The following TMC1 variants were observed in gnomAD, a reference collection of about 807,000 sequenced individuals.
The protein encoded by TMC1 is transmembrane channel-like protein 1.
A neutral mutation model predicts 105.8 loss-of-function variants in TMC1; 84 were observed. That is an observed-to-expected ratio of 0.79 (90% CI 0.67 to 0.95). TMC1 has a LOEUF of 0.95. Among genes scored for constraint, TMC1 ranks in the 40% least tolerant of loss-of-function variants. The pLI is 0.00. For synonymous variants in TMC1, 315 were observed against 311.5 expected, an observed-to-expected ratio of 1.01 and a Z score of -0.12; for missense variants, 817 against 914.1, an observed-to-expected ratio of 0.89 and a Z score of 1.37.
intron 2 of TMC1, among the ~76,000 whole-genome samples, chr9:72,614,496 A>G (rs1317500742): frequency 1.3e-5 from 2 of 152,130 alleles, no homozygotes; most frequent in African/African-American, 4.8e-5. Flanking sequence ...TTAATGAGGG[A>G]CACGTCTTGA....
chr9:72,793,447 G>A (rs1490176840), intron 17 of TMC1, among the ~76,000 whole-genome samples: 1 of 152,200 alleles, frequency 6.6e-6, no homozygotes. Flanking sequence ...GCTTCAGAGA[G>A]TCCAAGCCAA....
chr9:72,656,550 TTGTTATC>T (rs1243610397), intron 5 of TMC1, among the ~76,000 whole-genome samples: 1 of 152,212 alleles, frequency 6.6e-6, no homozygotes, highest in African/African-American at 2.4e-5. Flanking sequence ...TGTTTTACTG[TTGTTATC>T]TGTTACTTCT....
chr9:72,548,651 A>AT (rs958288541), intron 1 of TMC1, among the ~76,000 whole-genome samples: 1 of 151,132 alleles, frequency 6.6e-6, no homozygotes. Flanking sequence ...CGGGAGTTGT[A>AT]TTTTTTATCA....
In TMC1 at chr9:72,831,899, C is replaced by T. The variant is rs144982654; in HGVS notation, c.2260+1217C>T. 2.1e-3 allele frequency among the ~76,000 whole-genome samples: 319 copies of T among 151,812 alleles called. 2 individuals carry two copies. Among genetic ancestry groups the T allele is most frequent in the African/African-American group, 7.5e-3 (312 of 41,398 alleles). ...TGTGAATAGTGCCGCAATAAACATA[C>T]GTGTGCATGTGTCTTTATAGCAGCA... On this transcript the variant is annotated intron_variant, in intron 23 of 23. Coordinates refer to ENST00000297784, the MANE Select transcript of TMC1 (RefSeq NM_138691.3).
intron 1 of TMC1, among the ~76,000 whole-genome samples, chr9:72,526,764 C>T (rs1823413316): frequency 6.6e-6 from 1 of 152,156 alleles, no homozygotes; most frequent in African/African-American, 2.4e-5. Context: ...AAGAGCACCA[C>T]CCCCTGCTTC....
chr9:72,664,746 C>G (rs1364876747), intron 5 of TMC1, among the ~76,000 whole-genome samples: 1 of 152,128 alleles, frequency 6.6e-6, no homozygotes, highest in Non-Finnish European at 1.5e-5. Context: ...CTCCATCACC[C>G]AGTAAAATCC....
At chr9:72,599,468 A>G (rs1824770964) in intron 2 of TMC1, among the ~76,000 whole-genome samples, 4 of 152,206 alleles carry the variant, frequency 2.6e-5, no homozygotes. Flanking sequence ...TCTCAGTTAC[A>G]AAAAGCCTAT....
At chr9:72,735,767 A>C (rs72733051) in intron 8 of TMC1, among the ~76,000 whole-genome samples, 14,135 of 152,160 alleles carry the variant, frequency 0.093, 723 homozygotes, top group African/African-American at 0.13. Flanking sequence ...AAGGCCTGTC[A>C]CCTGCAAGAG....
intron 12 of TMC1, among the ~76,000 whole-genome samples, chr9:72,755,773 A>G (rs2118071491): frequency 1.3e-5 from 2 of 152,342 alleles, no homozygotes; most frequent in Middle Eastern, 6.8e-3. Flanking sequence ...TGCAGAATGA[A>G]GGAGGGAAAA....
chr9:72,555,777 C>T (rs1179424202), intron 1 of TMC1, among the ~76,000 whole-genome samples: 3 of 151,708 alleles, frequency 2.0e-5, no homozygotes, highest in Admixed American at 6.6e-5. Context: ...TGTGCTGCCA[C>T]GCCTGGCTAA....
chr9:72,578,265 CGT>C (rs67476636), intron 2 of TMC1: 57,563 of 147,450 alleles, frequency 0.39, 11,987 homozygotes, highest in East Asian at 0.52. Flanking sequence ...CGCGCGCACG[CGT>C]GTGTGTGTGT....
intron 2 of TMC1, among the ~76,000 whole-genome samples, chr9:72,592,881 A>G (rs1416678831): frequency 6.6e-6 from 1 of 152,220 alleles, no homozygotes; most frequent in Non-Finnish European, 1.5e-5. Context: ...GTATTTACTT[A>G]GTAATGAGAT....
chr9:72,757,911 T>A (rs1005516703), intron 12 of TMC1, among the ~76,000 whole-genome samples: 1 of 152,148 alleles, frequency 6.6e-6, no homozygotes, highest in Admixed American at 6.5e-5. Context: ...CGGTAATGTA[T>A]GTGGATAGTG....
At chr9:72,554,460 G>T (rs4129520) in intron 1 of TMC1, among the ~76,000 whole-genome samples, 43,798 of 151,938 alleles carry the variant, frequency 0.29, 6,964 homozygotes, top group African/African-American at 0.4. Flanking sequence ...AAGACAGAAC[G>T]CTGGAAATAC....
At chr9:72,725,852 G>A (rs571438984) in intron 8 of TMC1, among the ~76,000 whole-genome samples, 4 of 152,006 alleles carry the variant, frequency 2.6e-5, no homozygotes, top group East Asian at 3.9e-4. Flanking sequence ...CACCATGCCC[G>A]GCTAATTTTT....
chr9:72,724,578 T>C (rs945074026), intron 8 of TMC1, among the ~76,000 whole-genome samples: 2 of 152,202 alleles, frequency 1.3e-5, no homozygotes, highest in East Asian at 1.9e-4. Context: ...TAGCACAGTA[T>C]AAAATGATAA....
At chr9:72,608,832 C>T (rs1824971450) in intron 2 of TMC1, among the ~76,000 whole-genome samples, 1 of 151,974 alleles carries the variant, frequency 6.6e-6, no homozygotes, top group Non-Finnish European at 1.5e-5. Flanking sequence ...AACTCAAATA[C>T]AGCTATTTTT....
intron 21 of TMC1, among the ~76,000 whole-genome samples, chr9:72,829,531 A>G (rs917130397): frequency 6.6e-6 from 1 of 152,156 alleles, no homozygotes. Flanking sequence ...ACATTTATTG[A>G]GCACCTATTT....
intron 18 of TMC1, 102 bp from the exon 19 acceptor site, chr9:72,816,041 A>T: frequency 2.1e-6 from 2 of 957,804 alleles, no homozygotes; most frequent in South Asian, 2.6e-5. Flanking sequence ...ATTGTTGCTG[A>T]AGGGAAGTAA....
Sources: allele counts gnomAD v4.1 joint callset (sites outside exome capture counted in the v4.1 genomes callset), GRCh38; gene constraint gnomAD v4.1.1; transcripts MANE v1.5; gene names NCBI Gene and HGNC (gene_info 2026-07-23, HGNC 2026-07-21).